The following MYO18B variants were observed in gnomAD, a reference collection of about 807,000 sequenced individuals.
The protein encoded by MYO18B is unconventional myosin-XVIIIb.
Under a neutral mutation model 273.0 loss-of-function variants are expected in MYO18B, and 204 were observed. That is an observed-to-expected ratio of 0.75 (90% confidence interval 0.67 to 0.84). The LOEUF is 0.84. Ranked by LOEUF, MYO18B falls within the 40% of genes least tolerant of loss-of-function variation. The pLI, the probability that MYO18B is intolerant of heterozygous loss-of-function variation, is 0.00. For synonymous variants in MYO18B, 1,330 were observed against 1,305.7 expected (o/e 1.02, Z -0.40); for missense variants, 3,212 against 3,287.6 (o/e 0.98, Z 0.56).
Position 25,777,575 on chromosome 22 carries a change from T to C in MYO18B, c.1870-8T>C. ...ATGGGATGGCTGATACCTGTGATCT[T>C]CCTGCAGGTGCCCAAGGGCCGCCGG... On this transcript the variant is annotated splice_polypyrimidine_tract_variant and splice_region_variant and intron_variant, in intron 7 of 43. Coordinates refer to ENST00000335473, the MANE Select transcript of MYO18B (RefSeq NM_032608.7). 6.3e-7 allele frequency: 1 copy of C among 1,578,790 alleles called. No homozygotes were observed. Among genetic ancestry groups the C allele is most frequent in the Non-Finnish European group, 8.6e-7 (1 of 1,163,400 alleles).
At chr22:25,904,165 T>A (rs1415550931) in intron 31 of MYO18B, among the ~76,000 whole-genome samples, 2 of 152,246 alleles carry the variant, frequency 1.3e-5, no homozygotes, top group Non-Finnish European at 2.9e-5. Flanking sequence ...TTTAAAAGTT[T>A]GCTTTATGCC....
intron 12 of MYO18B, among the ~76,000 whole-genome samples, chr22:25,800,883 A>G (rs563078866): frequency 6.6e-6 from 1 of 152,214 alleles, no homozygotes; most frequent in Non-Finnish European, 1.5e-5. Flanking sequence ...ATATTTTACT[A>G]ATACTTGATG....
chr22:25,820,715 A>T (rs928401415), intron 12 of MYO18B, among the ~76,000 whole-genome samples: 2 of 152,098 alleles, frequency 1.3e-5, no homozygotes, highest in African/African-American at 4.8e-5. Flanking sequence ...AAACTATATA[A>T]TATATTACAG....
chr22:26,024,350 CG>C lies in MYO18B; in HGVS notation c.6471-2091del, dbSNP rs567414381. On this transcript the variant is annotated intron_variant, in intron 42 of 43. Transcript: ENST00000335473. ...GGAGGAAGGCACCATGACTAGGGGT[CG>C]GGGAGTAGAAGGAGTACTCCGGGTA... 3.5e-3 allele frequency among the ~76,000 whole-genome samples: 533 copies of C among 152,188 alleles called. 5 individuals carry two copies. The highest frequency in any genetic ancestry group is 0.013 in the African/African-American group (520 of 41,514).
intron 27 of MYO18B, among the ~76,000 whole-genome samples, chr22:25,894,151 T>C (rs2091738247): frequency 6.6e-6 from 1 of 152,266 alleles, no homozygotes; most frequent in East Asian, 1.9e-4. Context: ...GGTTCTCTTC[T>C]GGATTTCTAT....
chr22:25,875,623 A>G (rs919347080), intron 23 of MYO18B, among the ~76,000 whole-genome samples: 1 of 152,238 alleles, frequency 6.6e-6, no homozygotes, highest in Non-Finnish European at 1.5e-5. Context: ...GCTCCATCCC[A>G]GAGTGGCTGA....
chr22:25,914,566 A>C (rs1321161870), intron 33 of MYO18B, among the ~76,000 whole-genome samples: 1 of 151,690 alleles, frequency 6.6e-6, no homozygotes, highest in Non-Finnish European at 1.5e-5. Flanking sequence ...ATTATCATGC[A>C]TTAATCTTGT....
chr22:26,005,444 C>T (rs1268637424), intron 42 of MYO18B, among the ~76,000 whole-genome samples: 1 of 152,154 alleles, frequency 6.6e-6, no homozygotes, highest in Admixed American at 6.5e-5. Context: ...ATATGGGAGC[C>T]TCACAAATCT....
At chr22:25,799,623 G>A (rs2088096728) in intron 12 of MYO18B, among the ~76,000 whole-genome samples, 1 of 152,208 alleles carries the variant, frequency 6.6e-6, no homozygotes, top group Non-Finnish European at 1.5e-5. Context: ...TTACCTTGGC[G>A]GGGGCAGTAG....
In MYO18B at chr22:26,027,330, G is replaced by T; in HGVS notation, c.7356G>T (p.Gln2452His). The T allele has an allele frequency of 1.9e-6, 3 of 1,614,004 alleles. No individual in the cohort carries two copies. The highest frequency in any genetic ancestry group is 2.5e-6 in the Non-Finnish European group (3 of 1,179,884). The part of the protein sequence containing the change: ...DDFLPAIRKP[Q>H]TPTSLAGSAK... ...TCCTCCCAGCTATCCGGAAGCCCCA[G>T]ACACCTACCTCCTTGGCTGGATCAG... Residue 2452 changes from glutamine (Q) to histidine (H), a missense_variant, in exon 43 of 44, where the codon CAG becomes CAT. By Grantham distance (24) the Gln-to-His change is conservative. Coordinates refer to ENST00000335473, the MANE Select transcript of MYO18B (RefSeq NM_032608.7). This position sits in a 1 kb window ranked among gnomAD's most constrained non-coding sequence, Gnocchi z 4.1.
intron 33 of MYO18B, among the ~76,000 whole-genome samples, chr22:25,916,267 TCC>T: frequency 6.6e-6 from 1 of 152,308 alleles, no homozygotes; most frequent in Middle Eastern, 3.4e-3. Context: ...TTGTCTGTAA[TCC>T]CTTCAAATAA....
At chr22:25,839,883 G>T (rs1004731450) in intron 17 of MYO18B, among the ~76,000 whole-genome samples, 1 of 152,198 alleles carries the variant, frequency 6.6e-6, no homozygotes, top group African/African-American at 2.4e-5. Context: ...TCCCCTCCTG[G>T]TTCTGTAGGA....
downstream of MYO18B, among the ~76,000 whole-genome samples, chr22:26,033,113 G>T (rs1169188410): frequency 6.6e-6 from 1 of 152,142 alleles, no homozygotes; most frequent in Admixed American, 6.5e-5. Flanking sequence ...AATGCCGGAG[G>T]GAACAGACTC....
intron 6 of MYO18B, 47 bp downstream of exon 6, chr22:25,771,031 C>G: frequency 7.6e-7 from 1 of 1,312,972 alleles, no homozygotes; most frequent in Non-Finnish European, 1.1e-6. Flanking sequence ...CCCTGTCCCA[C>G]TTCACCCCAG....
In MYO18B at chr22:25,769,021, C is replaced by G; in HGVS notation, c.1105C>G (p.Leu369Val). The change falls in exon 4 of 44, where the codon CTG becomes GTG. Residue 369 changes from leucine (L) to valine (V), a missense_variant. By Grantham distance (32) the Leu-to-Val change is conservative. Coordinates refer to ENST00000335473, the MANE Select transcript of MYO18B (RefSeq NM_032608.7). ...SQVQGELGDDLRMGEKAGELR... is the reference protein window; with the variant it reads ...SQVQGELGDDVRMGEKAGELR... ...AGTGCAGGGCGAGTTGGGGGACGAT[C>G]TGAGAATGGGGGAGAAAGCAGGTGA... 6.2e-7 allele frequency: 1 copy of G among 1,611,322 alleles called. No individual in the cohort carries two copies. The highest frequency in any genetic ancestry group is 8.5e-7 in the Non-Finnish European group (1 of 1,178,660).
intron 2 of MYO18B, among the ~76,000 whole-genome samples, chr22:25,761,994 G>T (rs538410733): frequency 1.6e-4 from 24 of 152,176 alleles, no homozygotes; most frequent in Admixed American, 3.3e-4. Flanking sequence ...GTGGTGGTGT[G>T]TGCCTGTCAT....
chr22:25,769,006 G>T lies in MYO18B; in HGVS notation c.1090G>T (p.Glu364Ter). 1.9e-6 allele frequency: 3 copies of T among 1,611,156 alleles called. No homozygotes were observed. Among genetic ancestry groups the T allele is most frequent in the Non-Finnish European group, 2.5e-6 (3 of 1,178,596 alleles). Residue 364 changes from glutamate (E) to a stop codon, truncating the protein, a stop_gained, in exon 4 of 44, where the codon GAG (glutamate) becomes TAG (stop). Coordinates refer to ENST00000335473, the MANE Select transcript of MYO18B (RefSeq NM_032608.7). LOFTEE classifies it high-confidence loss of function. ...GGAGAAGACAAGCCAAGTGCAGGGC[G>T]AGTTGGGGGACGATCTGAGAATGGG... is the stretch of plus-strand genomic sequence containing the variant. ...QMEKTSQVQG[E>*]LGDDLRMGEK...
rs117585251 is a variant in MYO18B at position 25,790,315 on chromosome 22, G to A, written c.2376+4824G>A. Among the ~76,000 whole-genome samples the A allele has an allele frequency of 9.7e-3, 1,477 of 152,226 alleles. 10 individuals carry two copies. The highest frequency in any genetic ancestry group is 0.016 in the Non-Finnish European group (1,058 of 68,024). On this transcript the variant is annotated intron_variant, in intron 11 of 43. Transcript: ENST00000335473. Reference sequence around the variant, plus strand: ...AAGTTTTAGGGTACATGTGCACAACGCGCAGGTTAGTTACATACATTTACA... The same window carrying A: ...AAGTTTTAGGGTACATGTGCACAACACGCAGGTTAGTTACATACATTTACA...
intron 42 of MYO18B, among the ~76,000 whole-genome samples, chr22:26,017,066 TTC>T (rs1935400983): frequency 8.8e-6 from 1 of 113,210 alleles, no homozygotes; most frequent in Admixed American, 8.7e-5. Context: ...CCTTCCTTCC[TTC>T]CTTCCTCTCT....
Sources: allele counts gnomAD v4.1 joint callset (sites outside exome capture counted in the v4.1 genomes callset), GRCh38; gene constraint gnomAD v4.1.1; non-coding constraint Gnocchi (gnomAD v3.1); transcripts MANE v1.5; gene names NCBI Gene and HGNC (gene_info 2026-07-23, HGNC 2026-07-21).